The following DENND5A variants were observed in gnomAD, a reference collection of about 807,000 sequenced individuals.
DENND5A encodes DENN domain-containing protein 5A.
Under a neutral mutation model 140.3 loss-of-function variants are expected in DENND5A, and 64 were observed. That is an observed-to-expected ratio of 0.46 (90% confidence interval 0.37 to 0.56). The LOEUF is 0.56. DENND5A is among the 20% of genes least tolerant of loss of function. The pLI, the probability that DENND5A is intolerant of heterozygous loss-of-function variation, is 0.00. For synonymous variants in DENND5A, 605 were observed against 607.7 expected (o/e 1.00, Z 0.07); for missense variants, 1,292 against 1,593.8 (o/e 0.81, Z 3.22).
chr11:9,211,929 C>CAAAA (rs71453905), intron 1 of DENND5A, among the ~76,000 whole-genome samples: 4 of 84,854 alleles, frequency 4.7e-5, no homozygotes, highest in Admixed American at 1.3e-4. Context: ...GACTCCGTCT[C>CAAAA]AAAAAAAAAA....
At chr11:9,255,863 T>TA (rs751397027) in intron 1 of DENND5A, among the ~76,000 whole-genome samples, 151 of 120,168 alleles carry the variant, frequency 1.3e-3, no homozygotes, top group South Asian at 5.3e-3. Flanking sequence ...AGACTCCGTC[T>TA]AAAAAAAAAA....
intron 8 of DENND5A, among the ~76,000 whole-genome samples, chr11:9,172,977 G>A (rs1848421722): frequency 8.4e-6 from 1 of 119,442 alleles, no homozygotes; most frequent in Admixed American, 7.8e-5. Context: ...TATCATGCCT[G>A]GCTAATTTTT....
intron 1 of DENND5A, among the ~76,000 whole-genome samples, chr11:9,228,426 T>G (rs1422735064): frequency 2.6e-5 from 4 of 151,984 alleles, no homozygotes; most frequent in African/African-American, 9.7e-5. Flanking sequence ...TTCAAAATCG[T>G]GCCAACACAG....
At chr11:9,183,337 C>A (rs948928400) in intron 5 of DENND5A, among the ~76,000 whole-genome samples, 8 of 152,078 alleles carry the variant, frequency 5.3e-5, no homozygotes, top group African/African-American at 1.9e-4. Context: ...TAGCACAGTG[C>A]CAGGCACATA....
At chr11:9,243,578 C>A (rs187955703) in intron 1 of DENND5A, among the ~76,000 whole-genome samples, 1 of 152,198 alleles carries the variant, frequency 6.6e-6, no homozygotes, top group Non-Finnish European at 1.5e-5. Context: ...ACTTCCACTT[C>A]CTGAAGGATA....
chr11:9,214,103 G>A (rs1849992987), intron 1 of DENND5A, among the ~76,000 whole-genome samples: 1 of 152,122 alleles, frequency 6.6e-6, no homozygotes, highest in African/African-American at 2.4e-5. Flanking sequence ...GCTATAATCA[G>A]TTTATTTCCC....
intron 10 of DENND5A, among the ~76,000 whole-genome samples, chr11:9,168,934 A>T (rs1423277967): frequency 4.6e-5 from 7 of 152,224 alleles, no homozygotes; most frequent in African/African-American, 1.7e-4. Flanking sequence ...CCTGAAGTTT[A>T]TAACTAGAAA....
At position 9,165,714 on chromosome 11, in the gene DENND5A, A is replaced by G. The variant is rs544972012; in HGVS notation, c.2283+122T>C. ...CTCCCAAAGTGTTGGGATTACAGGC[A>G]TGAGCCATCACGCCCAGCCAACAGT... is the stretch of plus-strand genomic sequence containing the variant. On this transcript the variant is annotated intron_variant, in intron 11 of 22. Transcript: ENST00000328194. 2.6e-4 allele frequency: 310 copies of G among 1,214,504 alleles called. 1 individual carries two copies. In the African/African-American group the frequency reaches 4.1e-3, roughly 16 times the overall value. The allele number at this position is 1,214,504 out of a possible 1,614,324, so 75.2% of individuals were successfully genotyped here. A position where few individuals can be genotyped will look rare whatever the true frequency, so the allele number is the denominator to read the frequency against.
chr11:9,238,733 A>C (rs150291934), intron 1 of DENND5A, among the ~76,000 whole-genome samples: 294 of 150,436 alleles, frequency 2.0e-3, no homozygotes, highest in Middle Eastern at 3.6e-3. Context: ...TTTTTAACTG[A>C]AAGGAACTAT....
At chr11:9,174,797 T>C (rs1363079794) in intron 8 of DENND5A, among the ~76,000 whole-genome samples, 1 of 152,004 alleles carries the variant, frequency 6.6e-6, no homozygotes, top group Non-Finnish European at 1.5e-5. Context: ...GAAAAAGCAT[T>C]TGACAAAATT....
intron 1 of DENND5A, among the ~76,000 whole-genome samples, chr11:9,250,504 C>A (rs1851674172): frequency 6.6e-6 from 1 of 152,004 alleles, no homozygotes; most frequent in African/African-American, 2.4e-5. Context: ...AACGATTATG[C>A]CACTGCTTCA....
At chr11:9,219,970 G>GTT (rs1850243126) in intron 1 of DENND5A, among the ~76,000 whole-genome samples, 3 of 152,330 alleles carry the variant, frequency 2.0e-5, no homozygotes, top group African/African-American at 7.2e-5. Context: ...AAGGGGCTCA[G>GTT]TTAAAGCACT....
intron 1 of DENND5A, among the ~76,000 whole-genome samples, chr11:9,227,812 A>T (rs898727217): frequency 3.3e-5 from 5 of 149,366 alleles, no homozygotes; most frequent in African/African-American, 1.2e-4. Context: ...AATTTAAATT[A>T]AAAAAAAAAT....
chr11:9,199,416 G>A lies in DENND5A; in HGVS notation c.949+4244C>T, dbSNP rs541002635. On this transcript the variant is annotated intron_variant, in intron 4 of 22. Transcript: ENST00000328194. ...GGAGGCTGAGGTGGGAGGATCATCT[G>A]AGTCTGGGGAGGTCAAGGCTGCAGT... Among the ~76,000 whole-genome samples, 17 of 152,260 alleles carry A rather than the reference G, an allele frequency of 1.1e-4. No homozygotes were observed. The East Asian group carries it at 3.3e-3, about 29-fold the overall frequency.
At chr11:9,255,121 C>A (rs1460604460) in intron 1 of DENND5A, among the ~76,000 whole-genome samples, 4 of 151,964 alleles carry the variant, frequency 2.6e-5, no homozygotes, top group African/African-American at 9.7e-5. Flanking sequence ...AAATCTTTGT[C>A]TTCTAGGATA....
intron 1 of DENND5A, among the ~76,000 whole-genome samples, chr11:9,248,547 CCAG>C (rs1177856216): frequency 1.3e-5 from 2 of 151,840 alleles, no homozygotes; most frequent in Non-Finnish European, 2.9e-5. Context: ...CGCAGCTACT[CCAG>C]AGGCTGAGTA....
intron 1 of DENND5A, among the ~76,000 whole-genome samples, chr11:9,263,799 G>A (rs111528960): frequency 7.2e-6 from 1 of 139,238 alleles, no homozygotes; most frequent in Non-Finnish European, 1.5e-5. Context: ...CCGAGATTGC[G>A]CCACTGCAGT....
chr11:9,187,100 A>C (rs531489807), intron 5 of DENND5A, among the ~76,000 whole-genome samples: 1 of 152,308 alleles, frequency 6.6e-6, no homozygotes, highest in African/African-American at 2.4e-5. Flanking sequence ...AAAAAAGAGA[A>C]GAAAGAATTG....
At chr11:9,163,985 A>T (rs1388519601) in intron 11 of DENND5A, among the ~76,000 whole-genome samples, 1 of 146,854 alleles carries the variant, frequency 6.8e-6, no homozygotes, top group Non-Finnish European at 1.5e-5. Flanking sequence ...ACACACACAC[A>T]CTGGCCACAA....
Sources: gnomAD v4.1 joint callset for allele counts (sites outside exome capture counted in the v4.1 genomes callset) on GRCh38, gnomAD v4.1.1 for gene constraint, MANE v1.5 for transcripts, NCBI Gene and HGNC (gene_info 2026-07-23, HGNC 2026-07-21) for gene names.